SLC37A1: variants seen among roughly 807,000 people sequenced by gnomAD.
SLC37A1 encodes solute carrier family 37 member 1.
A neutral mutation model predicts 75.3 loss-of-function variants in SLC37A1; 49 were observed. That is an observed-to-expected ratio of 0.65 (90% CI 0.52 to 0.83). The LOEUF (loss-of-function observed/expected upper bound fraction) is 0.83. Ranked by LOEUF, SLC37A1 falls within the 40% of genes least tolerant of loss-of-function variation. The pLI is 0.00. For synonymous variants in SLC37A1, 268 were observed against 292.1 expected, an observed-to-expected ratio of 0.92 and a Z score of 0.84; for missense variants, 566 against 695.0, an observed-to-expected ratio of 0.81 and a Z score of 2.09.
intron 13 of SLC37A1, 117 bp downstream of exon 13, chr21:42,563,994 GC>G: frequency 8.3e-7 from 1 of 1,198,308 alleles, no homozygotes; most frequent in Non-Finnish European, 1.2e-6. Flanking sequence ...CCCTGAGTGG[GC>G]CCAGCCCAAG....
At chr21:42,536,905 A>G (rs1158071824) in intron 5 of SLC37A1, among the ~76,000 whole-genome samples, 1 of 152,204 alleles carries the variant, frequency 6.6e-6, no homozygotes, top group Non-Finnish European at 1.5e-5. Flanking sequence ...CCAAGCCTCA[A>G]CACAAGTTTT....
rs1423658961 is a variant in SLC37A1 at position 42,545,525 on chromosome 21, G to T, written c.731-1578G>T. On this transcript the variant is annotated intron_variant, in intron 8 of 19. Transcript: ENST00000352133. This position sits in a 1 kb window ranked among gnomAD's most constrained non-coding sequence, Gnocchi z 4.0. ...TGCTGCTCCTTCACTCTTGTCTCCT[G>T]CCCAGGGTGAGCCCCAAAGGACAGG... Among the ~76,000 whole-genome samples the T allele has an allele frequency of 2.6e-5, 4 of 152,248 alleles. No homozygotes were observed. Among genetic ancestry groups the T allele is most frequent in the Non-Finnish European group, 5.9e-5 (4 of 68,048 alleles).
In SLC37A1 at chr21:42,545,830, C is replaced by T. The variant is rs985776945; in HGVS notation, c.731-1273C>T. ...ACCATGTGTCCTTGGTCAGTGGCCTCGCCCTATGGGCTGTGCCCAGGACAG... is the reference window on the plus strand; with the variant it reads ...ACCATGTGTCCTTGGTCAGTGGCCTTGCCCTATGGGCTGTGCCCAGGACAG... On this transcript the variant is annotated intron_variant, in intron 8 of 19. Transcript: ENST00000352133. This position sits in a 1 kb window ranked among gnomAD's most constrained non-coding sequence, Gnocchi z 4.0. Among the ~76,000 whole-genome samples the T allele has an allele frequency of 5.2e-5, 8 of 152,398 alleles. No individual in the cohort carries two copies. In the East Asian group the frequency reaches 1.5e-3, roughly 29 times the overall value.
intron 2 of SLC37A1, among the ~76,000 whole-genome samples, chr21:42,508,119 GCTCTT>G (rs1158287917): frequency 7.1e-6 from 1 of 141,576 alleles, no homozygotes; most frequent in Non-Finnish European, 1.5e-5. Flanking sequence ...TGAAGAGTAC[GCTCTT>G]TTTTTTTTTT....
chr21:42,579,630 G>C (rs2056379287), intron 18 of SLC37A1, 106 bp from the exon 19 acceptor site: 7 of 887,158 alleles, frequency 7.9e-6, no homozygotes, highest in Non-Finnish European at 1.1e-5. Flanking sequence ...TGTGGGGAGA[G>C]AGCCACCCGC....
intron 5 of SLC37A1, among the ~76,000 whole-genome samples, chr21:42,536,318 T>C (rs1448752000): frequency 6.6e-6 from 1 of 152,228 alleles, no homozygotes; most frequent in Non-Finnish European, 1.5e-5. Context: ...ATTGAGTTAA[T>C]GTATGTAGAA....
At chr21:42,580,265 A>G in intron 19 of SLC37A1, 80 bp from the exon 20 acceptor site, 1 of 1,526,892 alleles carries the variant, frequency 6.5e-7, no homozygotes, top group East Asian at 2.3e-5. Flanking sequence ...TAGGATTTGC[A>G]CATGGTGTGT....
In SLC37A1 at chr21:42,570,109, T is replaced by TTCTGAGAAGTGGC. The variant is rs1569040846; in HGVS notation, c.1423+1671_1423+1672insTCTGAGAAGTGGC. 3.4e-4 allele frequency among the ~76,000 whole-genome samples: 16 copies of TTCTGAGAAGTGGC among 46,694 alleles called. 3 individuals carry two copies. The highest frequency in any genetic ancestry group is 1.1e-3 in the African/African-American group (14 of 13,288). The allele number at this position is 46,694 out of a possible 152,430, so 30.6% of individuals were successfully genotyped here. A position where few individuals can be genotyped will look rare whatever the true frequency, so the allele number is the denominator to read the frequency against. On this transcript the variant is annotated intron_variant, in intron 17 of 19. Coordinates refer to ENST00000352133, the MANE Select transcript of SLC37A1 (RefSeq NM_001320537.2). ...CACACGGCCTGGTTCTGAGAAGTGG[T>TTCTGAGAAGTGGC]GGGCAGGGTGGCTGTTGCCATGTGA...
chr21:42,558,277 A>AGGTGTATTTTAAAATAATGTT (rs2055741198), intron 10 of SLC37A1, among the ~76,000 whole-genome samples: 1 of 152,254 alleles, frequency 6.6e-6, no homozygotes, highest in Non-Finnish European at 1.5e-5. Context: ...ATATCAGAAT[A>AGGTGTATTTTAAAATAATGTT]GGTGTATTTT....
At chr21:42,526,624 T>G (rs1334378405) in intron 3 of SLC37A1, among the ~76,000 whole-genome samples, 1 of 152,214 alleles carries the variant, frequency 6.6e-6, no homozygotes, top group Non-Finnish European at 1.5e-5. Context: ...CCTGGGTGGC[T>G]GCCCTCTGCA....
chr21:42,543,993 G>A (rs1176009471), intron 8 of SLC37A1, among the ~76,000 whole-genome samples: 3 of 152,246 alleles, frequency 2.0e-5, no homozygotes, highest in Non-Finnish European at 4.4e-5. Context: ...ATCTTGGACA[G>A]TGTTATAAAA....
At chr21:42,533,774 C>G (rs919380640) in intron 3 of SLC37A1, among the ~76,000 whole-genome samples, 6 of 152,200 alleles carry the variant, frequency 3.9e-5, no homozygotes, top group Non-Finnish European at 8.8e-5. Context: ...GGGCAGCAGC[C>G]TTGTCTGCAG....
intron 2 of SLC37A1, among the ~76,000 whole-genome samples, chr21:42,503,248 C>CTT (rs11444113): frequency 0.12 from 14,674 of 125,662 alleles, 1,348 homozygotes; most frequent in African/African-American, 0.23. Flanking sequence ...AATTATACTC[C>CTT]TTTTTTTTTT....
chr21:42,509,874 A>T (rs2054418677), upstream of SLC37A1, among the ~76,000 whole-genome samples: 1 of 152,158 alleles, frequency 6.6e-6, no homozygotes, highest in African/African-American at 2.4e-5. The surrounding 1 kb of genome is among the most constrained non-coding windows in gnomAD (Gnocchi z 4.2). Context: ...TCTAAGCATG[A>T]GGTATTTTCT....
At chr21:42,508,982 A>G (rs942643118), upstream of SLC37A1, among the ~76,000 whole-genome samples, 3 of 152,192 alleles carry the variant, frequency 2.0e-5, no homozygotes, top group Non-Finnish European at 2.9e-5. Context: ...AGTGTCTAAA[A>G]TTCTACCACT....
intron 2 of SLC37A1, among the ~76,000 whole-genome samples, chr21:42,506,482 C>T (rs76371469): frequency 2.3e-3 from 347 of 152,330 alleles, no homozygotes; most frequent in African/African-American, 8.1e-3. Context: ...CACTAATTCA[C>T]AGTTCCTAAA....
Position 42,562,138 on chromosome 21 carries a change from T to C in SLC37A1, c.1042T>C (p.Phe348Leu). ...FAKLVSYTFL[F>L]WLPLYITNVD... The stretch of plus-strand genomic sequence containing the variant: ...CAAGCTGGTCAGCTATACTTTCCTC[T>C]TCTGGCTGCCCCTGTACATCACGAA... The change falls in exon 12 of 20, where the codon TTC (phenylalanine) becomes CTC (leucine). Residue 348 changes from phenylalanine to leucine, a missense_variant. Phe to Leu is a conservative substitution (Grantham distance 22). Transcript: ENST00000352133. The C allele has an allele frequency of 6.2e-7, 1 of 1,614,188 alleles. No homozygotes were observed. The highest frequency in any genetic ancestry group is 8.5e-7 in the Non-Finnish European group (1 of 1,180,028).
intron 18 of SLC37A1, among the ~76,000 whole-genome samples, chr21:42,578,297 G>A (rs2056348108): frequency 1.3e-5 from 2 of 152,180 alleles, no homozygotes. Context: ...GCCCCTCCTT[G>A]TTGGTCATTC....
At chr21:42,529,289 C>T (rs1221136582) in intron 3 of SLC37A1, among the ~76,000 whole-genome samples, 1 of 151,914 alleles carries the variant, frequency 6.6e-6, no homozygotes, top group South Asian at 2.1e-4. Flanking sequence ...AAACAAATGG[C>T]CCGGGCACTG....
Sources: allele counts gnomAD v4.1 joint callset (sites outside exome capture counted in the v4.1 genomes callset), GRCh38; gene constraint gnomAD v4.1.1; non-coding constraint Gnocchi (gnomAD v3.1); transcripts MANE v1.5; gene names NCBI Gene and HGNC (gene_info 2026-07-23, HGNC 2026-07-21).